The following DIPK1A variants were observed in gnomAD, a reference collection of about 807,000 sequenced individuals.
DIPK1A encodes the protein divergent protein kinase domain 1A.
Under a neutral mutation model 40.8 loss-of-function variants are expected in DIPK1A, and 27 were observed. That is an observed-to-expected ratio of 0.66 (90% CI 0.49 to 0.91). The LOEUF (loss-of-function observed/expected upper bound fraction) is 0.91, where lower values mean the gene tolerates loss of function less well. Among genes scored for constraint, DIPK1A ranks in the 40% least tolerant of loss-of-function variants. The probability of loss-of-function intolerance (pLI) is 0.00; values close to 1 mark genes in which losing one functional copy is unlikely to be tolerated. For missense variants in DIPK1A, 412 were observed against 505.7 expected, an observed-to-expected ratio of 0.81 and a Z score of 1.78; for synonymous variants, 166 against 171.3, an observed-to-expected ratio of 0.97 and a Z score of 0.24.
intron 2 of DIPK1A, among the ~76,000 whole-genome samples, chr1:92,868,280 A>G (rs1226506478): frequency 1.3e-5 from 2 of 152,200 alleles, no homozygotes. Context: ...GCTGCTAGTA[A>G]TCAAGAAGTT....
At chr1:92,894,758 T>A (rs888991417) in intron 1 of DIPK1A, among the ~76,000 whole-genome samples, 5 of 151,982 alleles carry the variant, frequency 3.3e-5, no homozygotes, top group African/African-American at 4.8e-5. Flanking sequence ...GACCGCTAGC[T>A]TGACTAATAA....
Position 92,945,686 on chromosome 1 carries a change from C to T in DIPK1A, c.54+15690G>A, listed in dbSNP as rs144407629. On this transcript the variant is annotated intron_variant, in intron 1 of 4. Transcript: ENST00000370310. ...CTATAAACACAGAATCAAATGATAC[C>T]TAGTTCCTTCCTGCAATTAACTCCC... Among the ~76,000 whole-genome samples the T allele has an allele frequency of 3.3e-3, 501 of 152,268 alleles. 3 individuals carry two copies. Among genetic ancestry groups the T allele is most frequent in the African/African-American group, 0.011 (471 of 41,546 alleles).
intron 1 of DIPK1A, among the ~76,000 whole-genome samples, chr1:92,884,404 G>A (rs967796808): frequency 1.3e-5 from 2 of 151,914 alleles, no homozygotes; most frequent in African/African-American, 2.4e-5. Context: ...AGTGAGCCAT[G>A]TTCACACCAC....
At chr1:92,958,938 A>C (rs1229144538) in intron 1 of DIPK1A, among the ~76,000 whole-genome samples, 5 of 152,202 alleles carry the variant, frequency 3.3e-5, no homozygotes, top group Non-Finnish European at 7.3e-5. Flanking sequence ...TCTATTAGAA[A>C]TGTATATTGA....
At chr1:92,946,789 C>A (rs1193179528) in intron 1 of DIPK1A, among the ~76,000 whole-genome samples, 1 of 151,800 alleles carries the variant, frequency 6.6e-6, no homozygotes, top group Non-Finnish European at 1.5e-5. Flanking sequence ...TAAAAAAATA[C>A]AAAAATTGGC....
chr1:92,876,306 T>G lies in DIPK1A; in HGVS notation c.179A>C (p.Lys60Thr). Residue 60 changes from lysine to threonine, a missense_variant, in exon 2 of 5, where the codon AAG becomes ACG. Lys to Thr is a moderately conservative substitution (Grantham distance 78). Coordinates refer to ENST00000370310, the MANE Select transcript of DIPK1A (RefSeq NM_001006605.5). Reference sequence around the variant, plus strand: ...ATTTAAAATACTTACTATTATTTTCTTACAGTCCTTTCCTCTGCATAATTC... The same window carrying G: ...ATTTAAAATACTTACTATTATTTTCGTACAGTCCTTTCCTCTGCATAATTC... ...YTELCRGKDC[K>T]KIICDKYKTG... The G allele has an allele frequency of 6.5e-7, 1 of 1,544,730 alleles. No homozygotes were observed. The highest frequency in any genetic ancestry group is 8.8e-7 in the Non-Finnish European group (1 of 1,142,204).
intron 2 of DIPK1A, among the ~76,000 whole-genome samples, chr1:92,856,769 G>A (rs1688001385): frequency 6.6e-6 from 1 of 152,118 alleles, no homozygotes; most frequent in Non-Finnish European, 1.5e-5. Flanking sequence ...GAAGAGAAAA[G>A]ACAAGATAAG....
At chr1:92,851,518 G>C (rs1278599582) in intron 2 of DIPK1A, among the ~76,000 whole-genome samples, 4 of 119,114 alleles carry the variant, frequency 3.4e-5, no homozygotes, top group Non-Finnish European at 4.9e-5. Context: ...ACTCCAGCCT[G>C]GGTGAGAGAG....
At chr1:92,837,954 T>A (rs1375146448), downstream of DIPK1A, among the ~76,000 whole-genome samples, 3 of 152,256 alleles carry the variant, frequency 2.0e-5, no homozygotes, top group African/African-American at 7.2e-5. Context: ...AGGAAAGCTC[T>A]TCATAGCATA....
At chr1:92,942,720 C>G (rs183132191) in intron 1 of DIPK1A, among the ~76,000 whole-genome samples, 1 of 152,110 alleles carries the variant, frequency 6.6e-6, no homozygotes, top group African/African-American at 2.4e-5. Context: ...AGTGCAGTGG[C>G]GCGATCTTGG....
At chr1:92,882,400 T>C (rs1019315420) in intron 1 of DIPK1A, among the ~76,000 whole-genome samples, 1 of 152,098 alleles carries the variant, frequency 6.6e-6, no homozygotes, top group African/African-American at 2.4e-5. Context: ...AAAAAATAAA[T>C]AAATAAAACC....
chr1:92,848,243 C>G (rs1320359839), intron 3 of DIPK1A, among the ~76,000 whole-genome samples: 1 of 152,082 alleles, frequency 6.6e-6, no homozygotes, highest in African/African-American at 2.4e-5. Flanking sequence ...AATATTAATC[C>G]AAAGAAAACA....
At chr1:92,927,695 T>G (rs1210492668) in intron 1 of DIPK1A, among the ~76,000 whole-genome samples, 1 of 152,198 alleles carries the variant, frequency 6.6e-6, no homozygotes, top group Non-Finnish European at 1.5e-5. Context: ...AGACATTTTA[T>G]GTAAATGATA....
At chr1:92,942,156 A>G (rs1236464205) in intron 1 of DIPK1A, among the ~76,000 whole-genome samples, 2 of 152,212 alleles carry the variant, frequency 1.3e-5, no homozygotes, top group East Asian at 3.8e-4. Context: ...AAGAACTCAA[A>G]AACTAAGAAT....
chr1:92,871,899 C>T (rs1647880646), intron 2 of DIPK1A, among the ~76,000 whole-genome samples: 1 of 151,982 alleles, frequency 6.6e-6, no homozygotes, highest in Non-Finnish European at 1.5e-5. Context: ...CTTTTGGCTA[C>T]TATGAATAAT....
intron 1 of DIPK1A, among the ~76,000 whole-genome samples, chr1:92,891,818 G>C (rs556197440): frequency 6.6e-6 from 1 of 152,158 alleles, no homozygotes; most frequent in Admixed American, 6.5e-5. Context: ...CTAATACTGC[G>C]CTTTTCCAAT....
chr1:92,847,366 A>T lies in DIPK1A; in HGVS notation c.298-7T>A. 6.3e-7 allele frequency: 1 copy of T among 1,587,270 alleles called. No individual in the cohort carries two copies. Among genetic ancestry groups the T allele is most frequent in the Non-Finnish European group, 8.6e-7 (1 of 1,166,784 alleles). On this transcript the variant is annotated splice_region_variant and splice_polypyrimidine_tract_variant and intron_variant, in intron 3 of 4. Coordinates refer to ENST00000370310, the MANE Select transcript of DIPK1A (RefSeq NM_001006605.5). ...CCCAAATCCCTAAATACATCTATGT[A>T]AAAAAGAGTGGCAAGTTATGTATTA...
chr1:92,874,477 GTTATC>G (rs1252360944), intron 2 of DIPK1A, among the ~76,000 whole-genome samples: 1 of 152,154 alleles, frequency 6.6e-6, no homozygotes, highest in Non-Finnish European at 1.5e-5. Flanking sequence ...AAAGTCAGTT[GTTATC>G]TTTATTTAAC....
At chr1:92,887,418 C>A (rs1158506302) in intron 1 of DIPK1A, among the ~76,000 whole-genome samples, 1 of 151,728 alleles carries the variant, frequency 6.6e-6, no homozygotes, top group African/African-American at 2.4e-5. Context: ...AGAGGGAGAC[C>A]CTGTCTCAAA....
Sources: gnomAD v4.1 joint callset for allele counts (sites outside exome capture counted in the v4.1 genomes callset) on GRCh38, gnomAD v4.1.1 for gene constraint, MANE v1.5 for transcripts, NCBI Gene and HGNC (gene_info 2026-07-23, HGNC 2026-07-21) for gene names.